EMILIN2: variants seen among roughly 807,000 people sequenced by gnomAD.
EMILIN2 encodes the protein elastin microfibril interfacer 2, also known as EMILIN-2.
EMILIN2 carries 71 observed loss-of-function variants against 87.1 expected under a neutral mutation model. The observed-to-expected ratio is 0.82, with a 90% confidence interval of 0.67 to 0.99. The LOEUF is 0.99. Among genes scored for constraint, EMILIN2 ranks in the 50% least tolerant of loss-of-function variants. EMILIN2 has a pLI of 0.00. For synonymous variants in EMILIN2, 581 were observed against 563.4 expected (o/e 1.03, Z -0.44); for missense variants, 1,407 against 1,371.8 (o/e 1.03, Z -0.40).
intron 4 of EMILIN2, among the ~76,000 whole-genome samples, chr18:2,899,493 T>G (rs1239797275): frequency 2.0e-5 from 3 of 152,246 alleles, no homozygotes; most frequent in African/African-American, 7.2e-5. Flanking sequence ...AAACAGCTTG[T>G]GAATTTCTTT....
In EMILIN2 at chr18:2,913,607, C is replaced by A; in HGVS notation, c.*203C>A. 1 of 545,896 alleles carries A rather than the reference C, an allele frequency of 1.8e-6. No individual in the cohort carries two copies. 33.8% of individuals were successfully genotyped at this position (545,896 alleles called of 1,614,324 possible). ...GAGTGAGGCACACGGTGAACATGGC[C>A]ACTGACTTTTCTGCCACTCTAACTG... On this transcript the variant is annotated 3_prime_UTR_variant, in exon 8 of 8. Transcript: ENST00000254528.
intron 3 of EMILIN2, among the ~76,000 whole-genome samples, chr18:2,886,016 T>G (rs1315905601): frequency 6.6e-6 from 1 of 152,254 alleles, no homozygotes; most frequent in Non-Finnish European, 1.5e-5. Flanking sequence ...AAAGAATGTT[T>G]GAAAAATATT....
intron 7 of EMILIN2, among the ~76,000 whole-genome samples, chr18:2,910,359 G>A (rs188421335): frequency 7.4e-4 from 113 of 152,308 alleles, no homozygotes; most frequent in African/African-American, 2.4e-3. Flanking sequence ...AGCGCCTGGC[G>A]TGTCCCCCTG....
In EMILIN2 at chr18:2,906,953, G is replaced by A; in HGVS notation, c.2530G>A (p.Val844Ile). ...RPPQPPGSTG[V>I]IAETGQAGPP... ...GCCCCAGCCGCCAGGCTCCACCGGG[G>A]TCATCGCGGAGACGGGCCAGGCCGG... is the stretch of plus-strand genomic sequence containing the variant. The change falls in exon 5 of 8, where the codon GTC (valine) becomes ATC (isoleucine). Residue 844 changes from valine to isoleucine, a missense_variant. Val to Ile is a conservative substitution (Grantham distance 29, BLOSUM62 3). Transcript: ENST00000254528. 1.4e-6 allele frequency: 2 copies of A among 1,406,040 alleles called. No individual in the cohort carries two copies. Among genetic ancestry groups the A allele is most frequent in the Non-Finnish European group, 1.9e-6 (2 of 1,078,428 alleles). The allele number at this position is 1,406,040 out of a possible 1,614,324, so 87.1% of individuals were successfully genotyped here.
rs943389601 is a variant in EMILIN2, at chr18:2,907,066, A to C, written c.2643A>C (p.Glu881Asp). 39 of 1,255,974 alleles carry C rather than the reference A, an allele frequency of 3.1e-5. No homozygotes were observed. The highest frequency in any genetic ancestry group is 9.4e-5 in the East Asian group (3 of 31,836). 77.8% of individuals were successfully genotyped at this position (1,255,974 alleles called of 1,614,324 possible). ...QTGSGTVPGA[E>D]GFAGAPGYPK... Reference sequence around the variant, plus strand: ...GGAGCGGCACCGTCCCCGGCGCAGAAGGCTTCGCGGGCGCACCAGGTGAGG... The same window carrying C: ...GGAGCGGCACCGTCCCCGGCGCAGACGGCTTCGCGGGCGCACCAGGTGAGG... Residue 881 changes from glutamate (E) to aspartate (D), a missense_variant, in exon 5 of 8, where the codon GAA (glutamate) becomes GAC (aspartate). By Grantham distance (45) the Glu-to-Asp change is conservative (BLOSUM62 2). Transcript: ENST00000254528.
Position 2,880,466 on chromosome 18 carries a change from G to A in EMILIN2, c.258-4498G>A, listed in dbSNP as rs947146632. ...ACAGGGGCGAGGCGGCAGGGCGACA[G>A]GCCCAGGGTTACAGCCCCAAGGGCC... On this transcript the variant is annotated intron_variant, in intron 2 of 7. Transcript: ENST00000254528. This position sits in a 1 kb window ranked among gnomAD's most constrained non-coding sequence, Gnocchi z 4.1. Among the ~76,000 whole-genome samples the A allele has an allele frequency of 2.0e-5, 3 of 152,228 alleles. No individual in the cohort carries two copies. The highest frequency in any genetic ancestry group is 4.4e-5 in the Non-Finnish European group (3 of 68,036).
rs1252842494 is a variant in EMILIN2, at chr18:2,907,030, C to T, written c.2607C>T (p.Asp869=). The T allele has an allele frequency of 5.4e-6, 7 of 1,300,184 alleles. No individual in the cohort carries two copies. The highest frequency in any genetic ancestry group is 6.8e-6 in the Non-Finnish European group (7 of 1,029,382). The allele number at this position is 1,300,184 out of a possible 1,614,324, so 80.5% of individuals were successfully genotyped here. A position where few individuals can be genotyped will look rare whatever the true frequency, so the allele number is the denominator to read the frequency against. The change falls in exon 5 of 8, where the codon GAC becomes GAT. Residue 869 remains aspartate, a synonymous_variant. Transcript: ENST00000254528. The part of the protein sequence containing the change: ...VSGRGLPRGV[D]GQTGSGTVPG... The stretch of plus-strand genomic sequence containing the variant: ...GGCGGGGTCTGCCGCGGGGCGTGGA[C>T]GGCCAGACCGGGAGCGGCACCGTCC...
At chr18:2,885,164 G>C in intron 3 of EMILIN2, 25 bp downstream of exon 3, 1 of 1,552,710 alleles carries the variant, frequency 6.4e-7, no homozygotes, top group Non-Finnish European at 8.7e-7. Flanking sequence ...GTGCTATTAT[G>C]TATGGCCACC....
chr18:2,856,370 T>G (rs113512682), intron 2 of EMILIN2, among the ~76,000 whole-genome samples: 176 of 152,330 alleles, frequency 1.2e-3, no homozygotes, highest in African/African-American at 4.1e-3. Context: ...TTACTGGTTC[T>G]GCAGGTGTCT....
At chr18:2,879,254 T>G (rs1483061442) in intron 2 of EMILIN2, among the ~76,000 whole-genome samples, 3 of 152,192 alleles carry the variant, frequency 2.0e-5, no homozygotes, top group Non-Finnish European at 4.4e-5. Flanking sequence ...ATGATGGAGA[T>G]GTTCACGCTG....
chr18:2,852,956 A>G (rs1488427313), intron 2 of EMILIN2, among the ~76,000 whole-genome samples: 2 of 152,178 alleles, frequency 1.3e-5, no homozygotes, highest in Non-Finnish European at 2.9e-5. Context: ...CGGGCACAGG[A>G]TTGCTTCAAC....
Position 2,867,827 on chromosome 18 carries a change from G to A in EMILIN2, c.258-17137G>A, listed in dbSNP as rs537853092. 2.3e-4 allele frequency among the ~76,000 whole-genome samples: 35 copies of A among 152,218 alleles called. No individual in the cohort carries two copies. In the South Asian group the frequency reaches 5.8e-3, roughly 25 times the overall value. ...TCCCTCCTCTCTATTCCACAAAACC[G>A]CCATTGTCATCATGGCCCGTTCTCA... On this transcript the variant is annotated intron_variant, in intron 2 of 7. Coordinates refer to ENST00000254528, the MANE Select transcript of EMILIN2 (RefSeq NM_032048.3).
At chr18:2,885,919 G>T (rs984183537) in intron 3 of EMILIN2, among the ~76,000 whole-genome samples, 27 of 152,192 alleles carry the variant, frequency 1.8e-4, no homozygotes, top group African/African-American at 5.5e-4. Context: ...GTGTTCTCAG[G>T]TTTGAAACTC....
At chr18:2,901,031 G>A (rs952116479) in intron 4 of EMILIN2, among the ~76,000 whole-genome samples, 5 of 152,156 alleles carry the variant, frequency 3.3e-5, no homozygotes, top group Admixed American at 2.0e-4. Flanking sequence ...TACAAATAGC[G>A]GGGCATTAAA....
In EMILIN2 at chr18:2,894,280, G is replaced by A. The variant is rs1340770194; in HGVS notation, c.2359+1794G>A. Reference sequence around the variant, plus strand: ...CCGAGGTAGGTGGGAAAATGCCCTGGATGTCCCCAGAGCACTGTGCTTATC... The same window carrying A: ...CCGAGGTAGGTGGGAAAATGCCCTGAATGTCCCCAGAGCACTGTGCTTATC... On this transcript the variant is annotated intron_variant, in intron 4 of 7. Transcript: ENST00000254528. The surrounding 1 kb of genome is among the most constrained non-coding windows in gnomAD (Gnocchi z 5.0). 2.6e-5 allele frequency among the ~76,000 whole-genome samples: 4 copies of A among 152,148 alleles called. No individual in the cohort carries two copies. The highest frequency in any genetic ancestry group is 5.9e-5 in the Non-Finnish European group (4 of 68,028).
intron 4 of EMILIN2, among the ~76,000 whole-genome samples, chr18:2,893,368 T>C (rs192795047): frequency 3.3e-4 from 16 of 48,800 alleles, no homozygotes; most frequent in African/African-American, 1.2e-3. Context: ...TGCTGTCATA[T>C]TTGTTTCCAG....
rs372920669 is a variant in EMILIN2, at chr18:2,915,871, ACTT to A, written c.*2471_*2473del. On this transcript the variant is annotated 3_prime_UTR_variant, in exon 8 of 8. Coordinates refer to ENST00000254528, the MANE Select transcript of EMILIN2 (RefSeq NM_032048.3). ...GTTGTTGCTGAGAAAAGGTCAGGACACTTCTTAAGTAGAGAAGGACTGTGACAT... is the reference window on the plus strand; with the variant it reads ...GTTGTTGCTGAGAAAAGGTCAGGACACTTAAGTAGAGAAGGACTGTGACAT... 7.2e-5 allele frequency: 11 copies of A among 152,324 alleles called. No individual in the cohort carries two copies. In the East Asian group the frequency reaches 9.7e-4, roughly 13 times the overall value. 9.4% of individuals were successfully genotyped at this position (152,324 alleles called of 1,614,324 possible).
intron 7 of EMILIN2, 145 bp from the exon 8 acceptor site, chr18:2,912,920 AGC>A: frequency 2.5e-6 from 2 of 796,506 alleles, no homozygotes; most frequent in South Asian, 3.5e-5. Flanking sequence ...GAGCATAAAA[AGC>A]AGCTGAGGCA....
At chr18:2,868,769 A>G (rs1277862385) in intron 2 of EMILIN2, among the ~76,000 whole-genome samples, 4 of 152,226 alleles carry the variant, frequency 2.6e-5, no homozygotes, top group African/African-American at 9.6e-5. Flanking sequence ...TCGGCTCGGC[A>G]TCAGACGGAG....
Sources: gnomAD v4.1 joint callset for allele counts (sites outside exome capture counted in the v4.1 genomes callset) on GRCh38, gnomAD v4.1.1 for gene constraint, Gnocchi (gnomAD v3.1) non-coding constraint, MANE v1.5 for transcripts, NCBI Gene and HGNC (gene_info 2026-07-23, HGNC 2026-07-21) for gene names.